SLC25A12: variants seen among roughly 807,000 people sequenced by gnomAD.
The protein encoded by SLC25A12 is electrogenic aspartate/glutamate antiporter SLC25A12, mitochondrial.
In SLC25A12, 32 loss-of-function variants were observed where a neutral mutation model predicts 83.3. That is an observed-to-expected ratio of 0.38 (90% CI 0.29 to 0.52). SLC25A12 has a LOEUF of 0.52. Among genes scored for constraint, SLC25A12 ranks in the 20% least tolerant of loss-of-function variants. SLC25A12 has a pLI of 0.84. For missense variants in SLC25A12, 611 were observed against 835.6 expected, an observed-to-expected ratio of 0.73 and a Z score of 3.31; for synonymous variants, 267 against 291.1, an observed-to-expected ratio of 0.92 and a Z score of 0.84.
chr2:171,867,304 C>T (rs1244533730), intron 3 of SLC25A12, among the ~76,000 whole-genome samples: 3 of 150,038 alleles, frequency 2.0e-5, no homozygotes, highest in African/African-American at 4.9e-5. Context: ...GAGGTTGTAG[C>T]GAGCCGAGAT....
Position 171,867,597 on chromosome 2 carries a change from C to G in SLC25A12, c.209+1084G>C, listed in dbSNP as rs561318711. 3.1e-4 allele frequency among the ~76,000 whole-genome samples: 47 copies of G among 152,250 alleles called. No individual in the cohort carries two copies. The East Asian group carries it at 9.1e-3, about 30-fold the overall frequency. On this transcript the variant is annotated intron_variant, in intron 3 of 17. Transcript: ENST00000422440. ...GTACAGTCCAGCTTCGGCTCGGCAT[C>G]AGAGGGAGACCATGGAAAGAGAGGG... is the stretch of plus-strand genomic sequence containing the variant.
At chr2:171,791,063 T>C (rs1683442287) in intron 15 of SLC25A12, among the ~76,000 whole-genome samples, 1 of 152,098 alleles carries the variant, frequency 6.6e-6, no homozygotes, top group Non-Finnish European at 1.5e-5. Flanking sequence ...AGTAAGAGCA[T>C]GCTAGATCTG....
intron 3 of SLC25A12, among the ~76,000 whole-genome samples, chr2:171,858,870 T>G (rs1245076445): frequency 6.6e-6 from 1 of 152,194 alleles, no homozygotes; most frequent in Non-Finnish European, 1.5e-5. Flanking sequence ...GGTTTCCAAT[T>G]AAGTAGCCCT....
chr2:171,880,421 T>C (rs940695330), intron 2 of SLC25A12, among the ~76,000 whole-genome samples: 4 of 152,144 alleles, frequency 2.6e-5, no homozygotes, highest in African/African-American at 9.7e-5. Flanking sequence ...TAGCTGGGAT[T>C]ACAGGCATGC....
In SLC25A12 at chr2:171,834,023, T is replaced by G; in HGVS notation, c.785A>C (p.Gln262Pro). 6.2e-7 allele frequency: 1 copy of G among 1,611,022 alleles called. No individual in the cohort carries two copies. Among genetic ancestry groups the G allele is most frequent in the Non-Finnish European group, 8.5e-7 (1 of 1,177,370 alleles). Residue 262 changes from glutamine to proline, a missense_variant, in exon 8 of 18, where the codon CAA becomes CCA. Around this residue, in one of 3 missense-constraint regions of SLC25A12, gnomAD observed 540 missense variants for 777.5 expected, o/e 0.69. Coordinates refer to ENST00000422440, the MANE Select transcript of SLC25A12 (RefSeq NM_003705.5). ...AATATCAATTTCTAGTGGTGTGACT[T>G]GTCCATAGCGTATGGCACTCTGGGC... ...EFAQSAIRYG[Q>P]VTPLEIDILY... is the part of the protein sequence containing the mutation.
At chr2:171,815,422 C>A (rs189268117) in intron 9 of SLC25A12, among the ~76,000 whole-genome samples, 1 of 152,246 alleles carries the variant, frequency 6.6e-6, no homozygotes, top group African/African-American at 2.4e-5. Context: ...CATTTAAAAA[C>A]CATGTTAGGC....
At chr2:171,834,628 G>T in intron 7 of SLC25A12, 99 bp downstream of exon 7, 1 of 1,339,280 alleles carries the variant, frequency 7.5e-7, no homozygotes, top group Non-Finnish European at 1.1e-6. Context: ...ATACTTTCTA[G>T]ATCTGGCTTT....
chr2:171,860,799 T>C (rs1022799846), intron 3 of SLC25A12, among the ~76,000 whole-genome samples: 15 of 151,918 alleles, frequency 9.9e-5, no homozygotes, highest in Middle Eastern at 3.4e-3. Flanking sequence ...TAGTAGAATC[T>C]GGCCAGGTAC....
chr2:171,870,164 T>C (rs1275257526), intron 2 of SLC25A12, among the ~76,000 whole-genome samples: 1 of 152,148 alleles, frequency 6.6e-6, no homozygotes, highest in Admixed American at 6.5e-5. Context: ...AATGAATTGG[T>C]AATAGGTACA....
chr2:171,836,379 GGTAA>G (rs1017387887), intron 6 of SLC25A12, among the ~76,000 whole-genome samples: 8 of 152,140 alleles, frequency 5.3e-5, no homozygotes, highest in African/African-American at 1.9e-4. Context: ...CAAGAAAACG[GGTAA>G]GTGAGGAAAG....
intron 13 of SLC25A12, among the ~76,000 whole-genome samples, chr2:171,799,457 G>A (rs1683664875): frequency 1.3e-5 from 2 of 152,166 alleles, no homozygotes; most frequent in Non-Finnish European, 2.9e-5. Flanking sequence ...GGCTTGCTGA[G>A]GAAGACATAG....
In SLC25A12 at chr2:171,800,603, C is replaced by G. The variant is rs77076628; in HGVS notation, c.1306-6836G>C. Among the ~76,000 whole-genome samples, 50 of 152,260 alleles carry G rather than the reference C, an allele frequency of 3.3e-4. 1 individual carries two copies. In the East Asian group the frequency reaches 7.9e-3, roughly 24 times the overall value. Reference sequence around the variant, plus strand: ...ATTTTAAATTGAATATACATCGACTCTATTCTATTCTTAGATACCCAAGAA... The same window carrying G: ...ATTTTAAATTGAATATACATCGACTGTATTCTATTCTTAGATACCCAAGAA... On this transcript the variant is annotated intron_variant, in intron 13 of 17. Transcript: ENST00000422440.
intron 2 of SLC25A12, among the ~76,000 whole-genome samples, chr2:171,890,158 G>A (rs1278305172): frequency 2.0e-5 from 3 of 152,158 alleles, no homozygotes; most frequent in Admixed American, 6.5e-5. Flanking sequence ...CTTGATATTC[G>A]ACTTGGTGTC....
intron 13 of SLC25A12, among the ~76,000 whole-genome samples, chr2:171,794,317 A>G (rs573388782): frequency 6.6e-5 from 10 of 152,296 alleles, no homozygotes; most frequent in Admixed American, 5.9e-4. Context: ...TCCAGTTCCA[A>G]TTCTAAAATG....
rs571205864 is a variant in SLC25A12 at position 171,830,177 on chromosome 2, C to T, written c.846-3295G>A. Among the ~76,000 whole-genome samples the T allele has an allele frequency of 3.1e-4, 47 of 152,200 alleles. 1 individual carries two copies. The South Asian group carries it at 4.6e-3, about 15-fold the overall frequency. The stretch of plus-strand genomic sequence containing the variant: ...TGAACTCTCTTGTTAGTTATTACTC[C>T]GTTTAGAAGTTTGTACATTTTACTG... On this transcript the variant is annotated intron_variant, in intron 8 of 17. Coordinates refer to ENST00000422440, the MANE Select transcript of SLC25A12 (RefSeq NM_003705.5).
chr2:171,790,301 G>A (rs1401660188), intron 15 of SLC25A12, among the ~76,000 whole-genome samples: 3 of 152,188 alleles, frequency 2.0e-5, no homozygotes, highest in Non-Finnish European at 4.4e-5. Context: ...ACTGAGCTCT[G>A]TAATGGTTCA....
intron 2 of SLC25A12, among the ~76,000 whole-genome samples, chr2:171,883,323 TAGAC>T (rs984437462): frequency 6.6e-6 from 1 of 152,172 alleles, no homozygotes; most frequent in Non-Finnish European, 1.5e-5. Context: ...TATCCCTTCT[TAGAC>T]AGATGAGAAA....
intron 8 of SLC25A12, among the ~76,000 whole-genome samples, chr2:171,827,680 T>A (rs1158177350): frequency 1.3e-5 from 2 of 152,250 alleles, no homozygotes; most frequent in Admixed American, 1.3e-4. Flanking sequence ...TTTGCTTCAA[T>A]ACATCTATGC....
intron 3 of SLC25A12, among the ~76,000 whole-genome samples, chr2:171,859,183 T>C (rs1440072897): frequency 6.6e-6 from 1 of 152,178 alleles, no homozygotes; most frequent in African/African-American, 2.4e-5. Context: ...ACCACTATTA[T>C]AAGAAGCTAT....
Sources: gnomAD v4.1 joint callset for allele counts (sites outside exome capture counted in the v4.1 genomes callset) on GRCh38, gnomAD v4.1.1 for gene constraint, gnomAD v4.1.1 regional missense constraint, MANE v1.5 for transcripts, NCBI Gene and HGNC (gene_info 2026-07-23, HGNC 2026-07-21) for gene names.